Variants in CHPT1 observed in about 807,000 individuals in gnomAD.
CHPT1 encodes choline phosphotransferase 1, also known as cholinephosphotransferase 1.
Under a neutral mutation model 47.6 loss-of-function variants are expected in CHPT1, and 36 were observed. The observed-to-expected ratio is 0.76, with a 90% CI of 0.58 to 1.00. CHPT1 has a LOEUF of 1.00. CHPT1 is among the 50% of genes least tolerant of loss of function. The pLI, the probability that CHPT1 is intolerant of heterozygous loss-of-function variation, is 0.00. For synonymous variants in CHPT1, 194 were observed against 186.3 expected (o/e 1.04, Z -0.33); for missense variants, 458 against 498.1 (o/e 0.92, Z 0.77).
chr12:101,706,421 AAGAT>A, intron 1 of CHPT1, among the ~76,000 whole-genome samples: 1 of 152,298 alleles, frequency 6.6e-6, no homozygotes, highest in East Asian at 1.9e-4. Context: ...TCTAATATGA[AAGAT>A]AGGGCCACAT....
chr12:101,698,815 G>A (rs570134102), intron 1 of CHPT1, among the ~76,000 whole-genome samples: 1 of 152,272 alleles, frequency 6.6e-6, no homozygotes, highest in Non-Finnish European at 1.5e-5. Flanking sequence ...AGTAAATATA[G>A]GCTTTGGATA....
chr12:101,697,957 C>A lies in CHPT1; in HGVS notation c.96C>A (p.His32Gln). The change falls in exon 1 of 9, where the codon CAC becomes CAA. Residue 32 changes from histidine (H) to glutamine (Q), a missense_variant. Coordinates refer to ENST00000229266, the MANE Select transcript of CHPT1 (RefSeq NM_020244.3). ...CGCAGCTGCGGCGACTGGAGGAGCA[C>A]CGCTACAGCGCGGCGGGCGTCTCGC... is the stretch of plus-strand genomic sequence containing the variant. Reference protein sequence around the residue: ...SAAQLRRLEEHRYSAAGVSLL... With the variant: ...SAAQLRRLEEQRYSAAGVSLL... The A allele has an allele frequency of 6.4e-7, 1 of 1,552,546 alleles. No individual in the cohort carries two copies. The highest frequency in any genetic ancestry group is 8.6e-7 in the Non-Finnish European group (1 of 1,159,930).
intron 1 of CHPT1, among the ~76,000 whole-genome samples, chr12:101,707,196 A>G (rs1170498500): frequency 6.6e-6 from 1 of 152,224 alleles, no homozygotes; most frequent in African/African-American, 2.4e-5. Flanking sequence ...AGGAGGGGGC[A>G]TATGAGTGCT....
intron 3 of CHPT1, 96 bp from the exon 4 acceptor site, chr12:101,716,632 G>C: frequency 1.5e-6 from 1 of 686,608 alleles, no homozygotes; most frequent in Non-Finnish European, 2.4e-6. Flanking sequence ...AGCCTACAGA[G>C]ATTTTTACAT....
intron 1 of CHPT1, among the ~76,000 whole-genome samples, chr12:101,707,667 A>C (rs1448587719): frequency 1.3e-5 from 2 of 152,202 alleles, no homozygotes; most frequent in Non-Finnish European, 2.9e-5. Context: ...TTAGAAAATG[A>C]AATATTTAAG....
At chr12:101,728,249 C>G (rs1952019851) in intron 8 of CHPT1, 1 of 151,970 alleles carries the variant, frequency 6.6e-6, no homozygotes, top group Non-Finnish European at 1.5e-5. Flanking sequence ...GACTCCATCT[C>G]AAAAAATAAA....
intron 4 of CHPT1, among the ~76,000 whole-genome samples, chr12:101,719,156 G>GAAAAAAAAA (rs779382436): frequency 4.2e-5 from 4 of 95,032 alleles, no homozygotes; most frequent in Admixed American, 1.3e-4. Context: ...CTCGTCTCAA[G>GAAAAAAAAA]AAAAAAAAAA....
rs752931242 is a variant in CHPT1 at position 101,698,128 on chromosome 12, C to G, written c.267C>G (p.Thr89=). The G allele has an allele frequency of 9.2e-6, 14 of 1,529,018 alleles. No homozygotes were observed. The highest frequency in any genetic ancestry group is 1.4e-5 in the African/African-American group (1 of 70,196). The allele number at this position is 1,529,018 out of a possible 1,614,324, so 94.7% of individuals were successfully genotyped here. A position where few individuals can be genotyped will look rare whatever the true frequency, so the allele number is the denominator to read the frequency against. ...LVLISYCPTA[T]EEAPYWTYLL... ...TCATCTCCTACTGTCCCACGGCCAC[C>G]GAAGAGGTAGGGCTGGCCGATCGCC... is the stretch of plus-strand genomic sequence containing the variant. Residue 89 remains threonine (T), a synonymous_variant, in exon 1 of 9, where the codon ACC becomes ACG. Coordinates refer to ENST00000229266, the MANE Select transcript of CHPT1 (RefSeq NM_020244.3).
chr12:101,709,239 T>A (rs1187191890), intron 1 of CHPT1, among the ~76,000 whole-genome samples: 1 of 146,686 alleles, frequency 6.8e-6, no homozygotes, highest in African/African-American at 2.5e-5. Context: ...CTACAAAAAA[T>A]TTAAAAAATT....
chr12:101,707,175 G>T (rs187065164), intron 1 of CHPT1, among the ~76,000 whole-genome samples: 75 of 152,330 alleles, frequency 4.9e-4, no homozygotes, highest in Non-Finnish European at 8.1e-4. Context: ...GGTGTATCAG[G>T]CAGTCCTTGA....
chr12:101,722,570 A>G (rs1369264690), intron 5 of CHPT1, among the ~76,000 whole-genome samples: 1 of 151,760 alleles, frequency 6.6e-6, no homozygotes, highest in South Asian at 2.1e-4. Context: ...AAACTAGGAT[A>G]AGCTGGGTGT....
At chr12:101,726,507 C>CCAT (rs1440529269) in intron 8 of CHPT1, 103 bp downstream of exon 8, 6 of 1,469,408 alleles carry the variant, frequency 4.1e-6, no homozygotes, top group East Asian at 4.7e-5. Context: ...GGCTAGTATA[C>CCAT]CATCAATAAG....
Position 101,706,486 on chromosome 12 carries a change from T to A in CHPT1, c.274-7604T>A, listed in dbSNP as rs12230291. 0.02 allele frequency among the ~76,000 whole-genome samples: 3,079 copies of A among 152,232 alleles called. 330 individuals are homozygous for A. The East Asian group carries it at 0.31, about 16-fold the overall frequency. On this transcript the variant is annotated intron_variant, in intron 1 of 8. Coordinates refer to ENST00000229266, the MANE Select transcript of CHPT1 (RefSeq NM_020244.3). ...GCTGAAACATACCTCAGAAACTATC[T>A]AGTCTACCATTTTCATTTAGAGAAG...
At chr12:101,698,157 G>C (rs771289721) in intron 1 of CHPT1, 23 bp downstream of exon 1, 1 of 1,432,158 alleles carries the variant, frequency 7.0e-7, no homozygotes, top group South Asian at 1.4e-5. Flanking sequence ...GATCGCCCGA[G>C]CCGGGCCCCA....
chr12:101,714,012 T>C (rs1951730075), intron 1 of CHPT1, 78 bp from the exon 2 acceptor site: 1 of 867,960 alleles, frequency 1.2e-6, no homozygotes, highest in East Asian at 2.6e-5. Flanking sequence ...TGCTACAAAG[T>C]GTGAAGCCTT....
chr12:101,708,883 C>T (rs1951669338), intron 1 of CHPT1, among the ~76,000 whole-genome samples: 1 of 148,876 alleles, frequency 6.7e-6, no homozygotes, highest in Admixed American at 6.8e-5. Context: ...AGGTGTGAAC[C>T]ACCACATCCA....
chr12:101,712,511 CTCTT>C lies in CHPT1; in HGVS notation c.274-1575_274-1572del, dbSNP rs1008404148. Among the ~76,000 whole-genome samples, 14 of 148,656 alleles carry C rather than the reference CTCTT, an allele frequency of 9.4e-5. 1 individual carries two copies. Among genetic ancestry groups the C allele is most frequent in the South Asian group, 2.2e-4 (1 of 4,648 alleles). On this transcript the variant is annotated intron_variant, in intron 1 of 8. Transcript: ENST00000229266. ...TTTTTCGTGCCCCATCCGCTCTTTT[CTCTT>C]TCTAAGACTCTAGTTACATATGTGC...
At chr12:101,702,257 C>A (rs768808068) in intron 1 of CHPT1, among the ~76,000 whole-genome samples, 1 of 152,178 alleles carries the variant, frequency 6.6e-6, no homozygotes, top group Non-Finnish European at 1.5e-5. Flanking sequence ...TTCTCTATTA[C>A]ATATCTGATT....
At chr12:101,703,300 G>T (rs10860776) in intron 1 of CHPT1, among the ~76,000 whole-genome samples, 35 of 151,956 alleles carry the variant, frequency 2.3e-4, no homozygotes, top group Non-Finnish European at 4.6e-4. Context: ...GTGACAGGCT[G>T]GCATTTTCAA....
Sources: allele counts gnomAD v4.1 joint callset (sites outside exome capture counted in the v4.1 genomes callset), GRCh38; gene constraint gnomAD v4.1.1; transcripts MANE v1.5; gene names NCBI Gene and HGNC (gene_info 2026-07-23, HGNC 2026-07-21).